Variants in ITPR2 observed in about 807,000 individuals in gnomAD.
The protein encoded by ITPR2 is inositol 1,4,5-trisphosphate receptor type 2.
ITPR2 carries 207 observed loss-of-function variants against 317.1 expected under a neutral mutation model. That is an observed-to-expected ratio of 0.65 (90% CI 0.58 to 0.73). The LOEUF (loss-of-function observed/expected upper bound fraction) is 0.73, where lower values mean the gene tolerates loss of function less well. Among genes scored for constraint, ITPR2 ranks in the 30% least tolerant of loss-of-function variants. ITPR2 has a pLI of 0.00. For synonymous variants in ITPR2, 1,156 were observed against 1,149.1 expected (o/e 1.01, Z -0.12); for missense variants, 2,613 against 3,284.0 (o/e 0.80, Z 4.99).
chr12:26,759,258 T>C (rs1949586509), intron 2 of ITPR2, among the ~76,000 whole-genome samples: 1 of 152,240 alleles, frequency 6.6e-6, no homozygotes, highest in African/African-American at 2.4e-5. Context: ...TCTTTCAAAA[T>C]TATCTTACAG....
At chr12:26,746,853 C>CATGTTAGG (rs1949334640) in intron 2 of ITPR2, among the ~76,000 whole-genome samples, 1 of 147,534 alleles carries the variant, frequency 6.8e-6, no homozygotes, top group African/African-American at 2.5e-5. Flanking sequence ...TGTGTGTAAG[C>CATGTTAGG]ATGTTAGGGA....
intron 37 of ITPR2, among the ~76,000 whole-genome samples, chr12:26,504,653 A>C (rs1943145230): frequency 6.6e-6 from 1 of 152,208 alleles, no homozygotes; most frequent in Non-Finnish European, 1.5e-5. Flanking sequence ...AATTGGTACA[A>C]CTACTTTGGA....
chr12:26,724,181 G>C (rs551833764), intron 4 of ITPR2, among the ~76,000 whole-genome samples: 3 of 152,272 alleles, frequency 2.0e-5, no homozygotes, highest in Admixed American at 1.3e-4. Context: ...AAAGATCTAA[G>C]TGAAACACAG....
chr12:26,708,259 AG>A, intron 9 of ITPR2, among the ~76,000 whole-genome samples: 1 of 152,206 alleles, frequency 6.6e-6, no homozygotes, highest in Non-Finnish European at 1.5e-5. Context: ...TACACCCAAA[AG>A]GAAGGAAATC....
chr12:26,504,403 G>C (rs1943140321), intron 37 of ITPR2, among the ~76,000 whole-genome samples: 1 of 152,018 alleles, frequency 6.6e-6, no homozygotes. Context: ...TATACAAAGA[G>C]TGTTTATAAA....
chr12:26,464,725 G>A (rs951385982), intron 45 of ITPR2, among the ~76,000 whole-genome samples: 1 of 152,212 alleles, frequency 6.6e-6, no homozygotes, highest in African/African-American at 2.4e-5. Context: ...TCTGGTGGAG[G>A]AGACAAGTCA....
chr12:26,785,519 C>G (rs1281081345), intron 2 of ITPR2, among the ~76,000 whole-genome samples: 28 of 56,600 alleles, frequency 4.9e-4, no homozygotes, highest in Non-Finnish European at 8.3e-4. Flanking sequence ...GTGAGGACCC[C>G]TCTGCCCGGC....
intron 56 of ITPR2, among the ~76,000 whole-genome samples, chr12:26,339,839 A>G (rs930624779): frequency 6.6e-6 from 1 of 152,160 alleles, no homozygotes; most frequent in Admixed American, 6.5e-5. Context: ...GCAGATACTA[A>G]TGAGGATTTG....
intron 9 of ITPR2, among the ~76,000 whole-genome samples, chr12:26,698,763 A>T (rs542124744): frequency 1.7e-4 from 26 of 152,300 alleles, no homozygotes; most frequent in African/African-American, 6.3e-4. Flanking sequence ...AATTATGAGT[A>T]ACAGAATTAG....
chr12:26,410,221 G>A (rs1374140218), intron 52 of ITPR2, among the ~76,000 whole-genome samples: 1 of 152,166 alleles, frequency 6.6e-6, no homozygotes, highest in African/African-American at 2.4e-5. Context: ...TGCTATACGA[G>A]TCAAGAATGA....
At chr12:26,422,105 T>C (rs1940915241) in intron 49 of ITPR2, among the ~76,000 whole-genome samples, 1 of 150,702 alleles carries the variant, frequency 6.6e-6, no homozygotes, top group African/African-American at 2.4e-5. Context: ...AAATTATTAC[T>C]AATTACTAAA....
At chr12:26,554,280 T>C (rs770729071) in intron 36 of ITPR2, among the ~76,000 whole-genome samples, 5 of 152,250 alleles carry the variant, frequency 3.3e-5, no homozygotes, top group Admixed American at 6.5e-5. Flanking sequence ...TACTGAGCAC[T>C]TGAAATGTTG....
intron 21 of ITPR2, among the ~76,000 whole-genome samples, chr12:26,651,756 T>G (rs777798916): frequency 4.6e-5 from 7 of 152,226 alleles, no homozygotes; most frequent in Non-Finnish European, 1.0e-4. Flanking sequence ...TTATAGGATC[T>G]CTTGTTCAAC....
At chr12:26,754,357 C>G (rs139577095) in intron 2 of ITPR2, among the ~76,000 whole-genome samples, 15 of 152,170 alleles carry the variant, frequency 9.9e-5, no homozygotes, top group Non-Finnish European at 2.1e-4. Context: ...AGCCACACCC[C>G]CTAACTATGC....
chr12:26,617,670 A>C (rs1384321264), intron 26 of ITPR2, among the ~76,000 whole-genome samples: 1 of 106,008 alleles, frequency 9.4e-6, no homozygotes, highest in Non-Finnish European at 2.3e-5. Flanking sequence ...GAGGGAGGGA[A>C]GGAAGGAGGG....
At chr12:26,381,372 T>C (rs899675852) in intron 55 of ITPR2, among the ~76,000 whole-genome samples, 1 of 152,248 alleles carries the variant, frequency 6.6e-6, no homozygotes, top group Non-Finnish European at 1.5e-5. Flanking sequence ...AATTCACCTA[T>C]TATTTATTCA....
chr12:26,627,394 A>C (rs551467711), intron 23 of ITPR2: 2 of 152,308 alleles, frequency 1.3e-5, no homozygotes, highest in Non-Finnish European at 2.9e-5. Context: ...TTGTGCCACT[A>C]CTTTCAGGAC....
At chr12:26,803,042 C>T (rs917673415) in intron 1 of ITPR2, among the ~76,000 whole-genome samples, 1 of 152,036 alleles carries the variant, frequency 6.6e-6, no homozygotes, top group Non-Finnish European at 1.5e-5. Context: ...TTTTCATATC[C>T]CCATTCTGTT....
At chr12:26,537,071 C>A (rs559423317) in intron 37 of ITPR2, among the ~76,000 whole-genome samples, 4 of 151,620 alleles carry the variant, frequency 2.6e-5, no homozygotes, top group Non-Finnish European at 5.9e-5. Flanking sequence ...CTGGAGGGAC[C>A]GCTTAGAGAA....
Sources: gnomAD v4.1 joint callset for allele counts (sites outside exome capture counted in the v4.1 genomes callset) on GRCh38, gnomAD v4.1.1 for gene constraint, MANE v1.5 for transcripts, NCBI Gene and HGNC (gene_info 2026-07-23, HGNC 2026-07-21) for gene names.